The following AKAP10 variants were observed in gnomAD, a reference collection of about 807,000 sequenced individuals.
AKAP10 encodes A-kinase anchoring protein 10.
AKAP10 carries 24 observed loss-of-function variants against 80.8 expected under a neutral mutation model. The observed-to-expected ratio is 0.30, with a 90% CI of 0.22 to 0.42. The LOEUF (loss-of-function observed/expected upper bound fraction) is 0.42. Ranked by LOEUF, AKAP10 falls within the 10% of genes least tolerant of loss-of-function variation. The probability of loss-of-function intolerance (pLI) is 1.00; values close to 1 mark genes in which losing one functional copy is unlikely to be tolerated. For missense variants in AKAP10, 661 were observed against 794.9 expected, an observed-to-expected ratio of 0.83 and a Z score of 2.03; for synonymous variants, 291 against 277.7, an observed-to-expected ratio of 1.05 and a Z score of -0.48.
At chr17:19,912,973 C>A (rs1244409160) in intron 12 of AKAP10, among the ~76,000 whole-genome samples, 2 of 150,052 alleles carry the variant, frequency 1.3e-5, no homozygotes, top group Non-Finnish European at 3.0e-5. Flanking sequence ...TCCTCAATTT[C>A]TTTCTTTCTT....
intron 1 of AKAP10, 77 bp from the exon 2 acceptor site, chr17:19,968,538 G>T: frequency 8.3e-7 from 1 of 1,204,840 alleles, no homozygotes; most frequent in Non-Finnish European, 1.2e-6. Context: ...AATTAGACCA[G>T]CTTTATTCTA....
intron 4 of AKAP10, 57 bp from the exon 5 acceptor site, chr17:19,947,562 A>G (rs1265662488): frequency 3.5e-6 from 4 of 1,128,096 alleles, no homozygotes; most frequent in Non-Finnish European, 5.4e-6. Context: ...TCCAGTAATG[A>G]ATTATATTCA....
intron 3 of AKAP10, among the ~76,000 whole-genome samples, chr17:19,961,595 C>A (rs1167531109): frequency 6.6e-6 from 1 of 152,098 alleles, no homozygotes; most frequent in Non-Finnish European, 1.5e-5. Flanking sequence ...TATTAGAAGT[C>A]CATTGGTTCA....
At chr17:19,919,486 C>T (rs1036330097) in intron 12 of AKAP10, among the ~76,000 whole-genome samples, 2 of 151,978 alleles carry the variant, frequency 1.3e-5, no homozygotes, top group Non-Finnish European at 1.5e-5. Flanking sequence ...GAGTATGAGA[C>T]CAGCCTAGCC....
chr17:19,915,983 C>T (rs1043817609), intron 12 of AKAP10, among the ~76,000 whole-genome samples: 7 of 152,186 alleles, frequency 4.6e-5, no homozygotes, highest in African/African-American at 1.7e-4. Flanking sequence ...GGTGACCTCC[C>T]AACTCACTCA....
intron 13 of AKAP10, 103 bp from the exon 14 acceptor site, chr17:19,909,379 C>G: frequency 9.9e-7 from 1 of 1,008,982 alleles, no homozygotes; most frequent in Non-Finnish European, 1.4e-6. Flanking sequence ...ATAATTTCTA[C>G]TTATTTGGAT....
At chr17:19,909,319 G>A in intron 13 of AKAP10, 43 bp from the exon 14 acceptor site, 1 of 1,494,384 alleles carries the variant, frequency 6.7e-7, no homozygotes, top group Non-Finnish European at 9.2e-7. Flanking sequence ...TTATTCATTA[G>A]ATGGATCGAG....
intron 5 of AKAP10, among the ~76,000 whole-genome samples, chr17:19,946,237 T>TATTATATA (rs1491288818): frequency 4.9e-3 from 74 of 15,080 alleles, no homozygotes; most frequent in East Asian, 0.011. Flanking sequence ...TATATATATA[T>TATTATATA]TATATATATA....
intron 1 of AKAP10, among the ~76,000 whole-genome samples, chr17:19,973,080 A>G (rs2043520059): frequency 6.6e-6 from 1 of 152,154 alleles, no homozygotes; most frequent in Non-Finnish European, 1.5e-5. Flanking sequence ...CCTGGGTTCA[A>G]GTGATTCTTG....
intron 1 of AKAP10, among the ~76,000 whole-genome samples, chr17:19,971,796 A>G (rs962317190): frequency 6.6e-6 from 1 of 152,230 alleles, no homozygotes; most frequent in Admixed American, 6.5e-5. Context: ...GCCTCTAGAC[A>G]TGGAATTGCT....
chr17:19,947,202 C>T, intron 5 of AKAP10: 1 of 535,132 alleles, frequency 1.9e-6, no homozygotes, highest in Non-Finnish European at 3.3e-6. Flanking sequence ...CCCATCTGGC[C>T]CAGGCAAAGA....
intron 8 of AKAP10, among the ~76,000 whole-genome samples, chr17:19,939,204 G>A (rs376670674): frequency 8.1e-4 from 123 of 152,136 alleles, no homozygotes; most frequent in African/African-American, 2.7e-3. Context: ...AATTAACAAC[G>A]TGCCTGAGCA....
intron 2 of AKAP10, 84 bp downstream of exon 2, chr17:19,968,328 AAG>A (rs1405278996): frequency 1.6e-5 from 17 of 1,034,110 alleles, no homozygotes; most frequent in Admixed American, 9.2e-5. Context: ...TTAATGCCAA[AAG>A]AGAGAGTATA....
At chr17:19,907,015 T>G (rs187204513) in intron 14 of AKAP10, among the ~76,000 whole-genome samples, 3 of 74,978 alleles carry the variant, frequency 4.0e-5, no homozygotes, top group East Asian at 4.2e-4. Flanking sequence ...GAGTCTACTG[T>G]TTTTTTTTGT....
chr17:19,937,165 A>C (rs1320194469), intron 8 of AKAP10, among the ~76,000 whole-genome samples: 3 of 152,216 alleles, frequency 2.0e-5, no homozygotes, highest in Admixed American at 6.5e-5. Flanking sequence ...ACAGAAATAC[A>C]AAGGTTGATA....
chr17:19,960,352 C>T (rs761900596), intron 3 of AKAP10, among the ~76,000 whole-genome samples: 2 of 152,164 alleles, frequency 1.3e-5, no homozygotes, highest in African/African-American at 2.4e-5. Context: ...CCCACTTACC[C>T]CTCTCACCTC....
At chr17:19,946,260 TATATATATATATATA>T (rs1567765860) in intron 5 of AKAP10, among the ~76,000 whole-genome samples, 12 of 27,830 alleles carry the variant, frequency 4.3e-4, no homozygotes, top group African/African-American at 1.5e-3. Flanking sequence ...TATATATATA[TATATATATATATATA>T]TTTTTTTTTT....
At chr17:19,920,805 G>A (rs535634371) in intron 11 of AKAP10, among the ~76,000 whole-genome samples, 170 of 122,860 alleles carry the variant, frequency 1.4e-3, no homozygotes, top group Middle Eastern at 0.014. Flanking sequence ...GCTGAGAGCC[G>A]AGATCATACC....
At chr17:19,974,909 ATCC>A (rs1238672575) in intron 1 of AKAP10, among the ~76,000 whole-genome samples, 2 of 152,012 alleles carry the variant, frequency 1.3e-5, no homozygotes, top group Non-Finnish European at 2.9e-5. Context: ...GCCTCAGGTG[ATCC>A]TCCTGTCTCA....
Sources: allele counts gnomAD v4.1 joint callset (sites outside exome capture counted in the v4.1 genomes callset), GRCh38; gene constraint gnomAD v4.1.1; transcripts MANE v1.5; gene names NCBI Gene and HGNC (gene_info 2026-07-23, HGNC 2026-07-21).